SYTL2: variants seen among roughly 807,000 people sequenced by gnomAD.
SYTL2 encodes the protein synaptotagmin-like protein 2.
A neutral mutation model predicts 198.7 loss-of-function variants in SYTL2; 165 were observed. The observed-to-expected ratio is 0.83, with a 90% CI of 0.73 to 0.94. The LOEUF (loss-of-function observed/expected upper bound fraction) is 0.94. Among genes scored for constraint, SYTL2 ranks in the 40% least tolerant of loss-of-function variants. The probability of loss-of-function intolerance (pLI) is 0.00; values close to 1 mark genes in which losing one functional copy is unlikely to be tolerated. For synonymous variants in SYTL2, 966 were observed against 917.7 expected, an observed-to-expected ratio of 1.05 and a Z score of -0.95; for missense variants, 2,835 against 2,582.8, an observed-to-expected ratio of 1.10 and a Z score of -2.12.
Position 85,720,946 on chromosome 11 carries a change from T to C in SYTL2, c.5340A>G (p.Glu1780=). The change falls in exon 9 of 20, where the codon GAA becomes GAG. Residue 1780 remains glutamate (E), a synonymous_variant. Transcript: ENST00000359152. Reference sequence around the variant, plus strand: ...CCAAAGTTTTCAAAACAGGACTGGGTTCTTCTTCTGAACCTGTTATAAAAC... The same window carrying C: ...CCAAAGTTTTCAAAACAGGACTGGGCTCTTCTTCTGAACCTGTTATAAAAC... ...SWRNPSSSEE[E]PSPVLKTLER... 3 of 1,612,536 alleles carry C rather than the reference T, an allele frequency of 1.9e-6. No individual in the cohort carries two copies. Among genetic ancestry groups the C allele is most frequent in the Non-Finnish European group, 2.5e-6 (3 of 1,178,664 alleles).
the SYTL2 span, among the ~76,000 whole-genome samples, chr11:85,827,408 T>C: frequency 1.5e-4 from 23 of 152,330 alleles, no homozygotes; most frequent in East Asian, 4.2e-3. Flanking sequence ...ACTACCCCTA[T>C]GGCTCCCTGT....
rs2083215893 is a variant in SYTL2, at chr11:85,694,974, T to C, written c.*221A>G. 2 of 379,624 alleles carry C rather than the reference T, an allele frequency of 5.3e-6. No individual in the cohort carries two copies. The highest frequency in any genetic ancestry group is 4.1e-5 in the East Asian group (1 of 24,510). The allele number at this position is 379,624 out of a possible 1,614,324, so 23.5% of individuals were successfully genotyped here. On this transcript the variant is annotated 3_prime_UTR_variant, in exon 20 of 20. Transcript: ENST00000359152. Reference sequence around the variant, plus strand: ...TCAATTTTCCTAGCTTGTTCAAATATCTTATTTAATATTAGAGTCACAAAT... The same window carrying C: ...TCAATTTTCCTAGCTTGTTCAAATACCTTATTTAATATTAGAGTCACAAAT...
At chr11:85,712,775 G>T (rs2086540024) in intron 12 of SYTL2, among the ~76,000 whole-genome samples, 1 of 151,804 alleles carries the variant, frequency 6.6e-6, no homozygotes, top group Non-Finnish European at 1.5e-5. Context: ...GGAGTGCAGT[G>T]GCACAATCTC....
chr11:85,733,476 T>C (rs1362777783), intron 7 of SYTL2: 1 of 153,716 alleles, frequency 6.5e-6, no homozygotes, highest in African/African-American at 2.4e-5. Context: ...CATTAAGAGG[T>C]ATAAACATTT....
chr11:85,760,577 G>T (rs910737785), intron 1 of SYTL2, among the ~76,000 whole-genome samples: 1 of 152,038 alleles, frequency 6.6e-6, no homozygotes, highest in Non-Finnish European at 1.5e-5. Context: ...CCACATTCTG[G>T]GACCCAGGTT....
intron 15 of SYTL2, among the ~76,000 whole-genome samples, chr11:85,706,143 C>A (rs1397432896): frequency 6.6e-6 from 1 of 152,164 alleles, no homozygotes. Flanking sequence ...ATTTTGAATA[C>A]CTATCCCAGA....
chr11:85,752,904 C>A (rs1351290833), intron 2 of SYTL2, among the ~76,000 whole-genome samples: 1 of 94,378 alleles, frequency 1.1e-5, no homozygotes, highest in African/African-American at 4.0e-5. Flanking sequence ...CCTTCAATGA[C>A]AACTGCCTTC....
At chr11:85,771,710 G>A (rs1384073881) in intron 1 of SYTL2, among the ~76,000 whole-genome samples, 1 of 152,080 alleles carries the variant, frequency 6.6e-6, no homozygotes, top group Non-Finnish European at 1.5e-5. Context: ...CACAAGATCT[G>A]GTTTGAAATC....
Position 85,737,565 on chromosome 11 carries a change from C to A in SYTL2, c.471+10G>T. On this transcript the variant is annotated intron_variant, in intron 5 of 19. Transcript: ENST00000359152. ...AAATACAAGATTTTCAAAATCTGGGCTCAGTCTACCTTCTCTGGAGACACA... is the reference window on the plus strand; with the variant it reads ...AAATACAAGATTTTCAAAATCTGGGATCAGTCTACCTTCTCTGGAGACACA... 1.9e-6 allele frequency: 3 copies of A among 1,607,226 alleles called. No individual in the cohort carries two copies. The highest frequency in any genetic ancestry group is 2.6e-6 in the Non-Finnish European group (3 of 1,175,422).
chr11:85,805,126 G>T (rs1274371889), intron 1 of SYTL2, among the ~76,000 whole-genome samples: 1 of 152,108 alleles, frequency 6.6e-6, no homozygotes, highest in African/African-American at 2.4e-5. Flanking sequence ...CTTGGGGATA[G>T]CAAAGGTCTC....
chr11:85,720,064 C>G (rs2088056908), intron 9 of SYTL2, among the ~76,000 whole-genome samples: 1 of 152,162 alleles, frequency 6.6e-6, no homozygotes, highest in African/African-American at 2.4e-5. Flanking sequence ...GCACACAACT[C>G]TCTTTATATA....
chr11:85,702,191 ATTTT>A (rs35728321), intron 16 of SYTL2, among the ~76,000 whole-genome samples: 1 of 142,008 alleles, frequency 7.0e-6, no homozygotes. Context: ...TAGTGGGTCT[ATTTT>A]TTTTTTTTTT....
At chr11:85,847,744 T>C in the SYTL2 span, among the ~76,000 whole-genome samples, 2 of 152,248 alleles carry the variant, frequency 1.3e-5, no homozygotes, top group African/African-American at 4.8e-5. Flanking sequence ...TCTTTTCATG[T>C]GCCAATTGGC....
chr11:85,722,730 A>T (rs1364007333), intron 8 of SYTL2, among the ~76,000 whole-genome samples: 2 of 151,956 alleles, frequency 1.3e-5, no homozygotes, highest in Non-Finnish European at 2.9e-5. Context: ...TAGAGATTAA[A>T]TAAATTTAGA....
rs1333688695 is a variant in SYTL2, at chr11:85,724,103, T to C, written c.5255A>G (p.Glu1752Gly). Reference protein sequence around the residue: ...YMKQEKEEEKEGFSESDFSDG... With the variant: ...YMKQEKEEEKGGFSESDFSDG... ...TGAAAAATCAGACTCAGAGAAACCT[T>C]CTTTTTCTTCCTCTTTCTCTTGTTT... is the stretch of plus-strand genomic sequence containing the variant. Residue 1752 changes from glutamate to glycine, a missense_variant, in exon 8 of 20, where the codon GAA becomes GGA. By Grantham distance (98) the Glu-to-Gly change is moderately conservative. Around this residue, in one of 3 missense-constraint regions of SYTL2, gnomAD observed 2,645 missense variants for 2,381.7 expected, o/e 1.11. Coordinates refer to ENST00000359152, the MANE Select transcript of SYTL2 (RefSeq NM_206927.4). 1 of 1,583,248 alleles carries C rather than the reference T, an allele frequency of 6.3e-7. No individual in the cohort carries two copies. Among genetic ancestry groups the C allele is most frequent in the Non-Finnish European group, 8.5e-7 (1 of 1,171,318 alleles).
chr11:85,728,280 T>C (rs1384246281), intron 7 of SYTL2, among the ~76,000 whole-genome samples: 1 of 152,170 alleles, frequency 6.6e-6, no homozygotes, highest in Non-Finnish European at 1.5e-5. Flanking sequence ...TGTTTCATGT[T>C]ACATTTTATT....
At chr11:85,774,159 AAATT>A (rs1182187170) in intron 1 of SYTL2, among the ~76,000 whole-genome samples, 1 of 152,258 alleles carries the variant, frequency 6.6e-6, no homozygotes, top group Non-Finnish European at 1.5e-5. Context: ...ATAAAAAACT[AAATT>A]AATGCAATTA....
intron 19 of SYTL2, among the ~76,000 whole-genome samples, chr11:85,695,883 G>T (rs2083338393): frequency 6.6e-6 from 1 of 152,128 alleles, no homozygotes; most frequent in Non-Finnish European, 1.5e-5. Context: ...CATATATTTA[G>T]CCTTGAAGGA....
intron 11 of SYTL2, among the ~76,000 whole-genome samples, chr11:85,715,992 A>G (rs1384343608): frequency 1.3e-5 from 2 of 152,188 alleles, no homozygotes; most frequent in African/African-American, 4.8e-5. Context: ...TGGTAAGAAT[A>G]TACTCTTTAC....
Sources: gnomAD v4.1 joint callset for allele counts (sites outside exome capture counted in the v4.1 genomes callset) on GRCh38, gnomAD v4.1.1 for gene constraint, gnomAD v4.1.1 regional missense constraint, MANE v1.5 for transcripts, NCBI Gene and HGNC (gene_info 2026-07-23, HGNC 2026-07-21) for gene names.